PGBD2: variants seen among roughly 807,000 people sequenced by gnomAD.
PGBD2 encodes the protein piggyBac transposable element derived 2.
A neutral mutation model predicts 8.1 loss-of-function variants in PGBD2; 6 were observed. The observed-to-expected ratio is 0.74, with a 90% CI of 0.40 to 1.46. PGBD2 has a LOEUF of 1.46. Ranked by LOEUF, PGBD2 falls within the 40% of genes most tolerant of loss-of-function variation. The pLI, the probability that PGBD2 is intolerant of heterozygous loss-of-function variation, is 0.02. For missense variants in PGBD2, 802 were observed against 739.0 expected, an observed-to-expected ratio of 1.09 and a Z score of -0.99; for synonymous variants, 318 against 272.2, an observed-to-expected ratio of 1.17 and a Z score of -1.66.
At chr1:248,889,803 C>A in the PGBD2 span, among the ~76,000 whole-genome samples, 1 of 152,068 alleles carries the variant, frequency 6.6e-6, no homozygotes, top group African/African-American at 2.4e-5. Context: ...GATATGCTTG[C>A]AGCTGCAGAA....
chr1:248,874,357 A>ATAGGTGATG, the PGBD2 span, among the ~76,000 whole-genome samples: 1 of 152,200 alleles, frequency 6.6e-6, no homozygotes, highest in African/African-American at 2.4e-5. Flanking sequence ...AGGGCTAACC[A>ATAGGTGATG]TAGGTGATGT....
the PGBD2 span, among the ~76,000 whole-genome samples, chr1:248,878,306 A>C: frequency 9.9e-5 from 15 of 151,614 alleles, no homozygotes; most frequent in African/African-American, 3.6e-4. Context: ...CAGCCTCCCG[A>C]GTAGCTGGGA....
At chr1:248,914,077 G>C (rs1662007865) in intron 2 of PGBD2, among the ~76,000 whole-genome samples, 198 bp downstream of exon 2, 1 of 152,124 alleles carries the variant, frequency 6.6e-6, no homozygotes. Context: ...GTGTGGGTGT[G>C]GTTATGTAGC....
the PGBD2 span, among the ~76,000 whole-genome samples, chr1:248,896,963 T>C: frequency 4.6e-5 from 7 of 152,142 alleles, no homozygotes; most frequent in African/African-American, 1.7e-4. Context: ...AAAGTAGAGG[T>C]TCCTCTTCAA....
At chr1:248,908,730 T>C (rs1420035466) in intron 1 of PGBD2, among the ~76,000 whole-genome samples, 1 of 151,520 alleles carries the variant, frequency 6.6e-6, no homozygotes, top group East Asian at 1.9e-4. Flanking sequence ...AAGACAGGCC[T>C]CCTTAACAGG....
chr1:248,874,563 C>G, the PGBD2 span, among the ~76,000 whole-genome samples: 7 of 152,114 alleles, frequency 4.6e-5, no homozygotes, highest in Non-Finnish European at 7.4e-5. Flanking sequence ...AAAGATAGCT[C>G]TGGGTATGCC....
chr1:248,929,582 A>G, the PGBD2 span, among the ~76,000 whole-genome samples: 2 of 152,192 alleles, frequency 1.3e-5, no homozygotes, highest in Non-Finnish European at 2.9e-5. Context: ...ATGTTGTAGA[A>G]CATCGTATTT....
downstream of PGBD2, chr1:248,919,342 T>C (rs1045450797): frequency 6.0e-6 from 1 of 166,860 alleles, no homozygotes; most frequent in Admixed American, 6.5e-5. Context: ...ATCTGAAGTT[T>C]GTCTGTCTTT....
At chr1:248,875,123 C>T in the PGBD2 span, among the ~76,000 whole-genome samples, 1 of 151,686 alleles carries the variant, frequency 6.6e-6, no homozygotes, top group South Asian at 2.1e-4. Flanking sequence ...GGGTGAAACC[C>T]CGTCTCTACT....
chr1:248,904,862 A>T (rs1244804641), upstream of PGBD2, among the ~76,000 whole-genome samples: 1 of 152,156 alleles, frequency 6.6e-6, no homozygotes, highest in African/African-American at 2.4e-5. Context: ...TTCCACTTTG[A>T]CATGCCATAT....
At chr1:248,919,710 T>C (rs1370327182), downstream of PGBD2, 1 of 166,476 alleles carries the variant, frequency 6.0e-6, no homozygotes, top group Non-Finnish European at 1.5e-5. Flanking sequence ...CCACCAGCAG[T>C]GTTCAAGGGT....
downstream of PGBD2, among the ~76,000 whole-genome samples, chr1:248,922,826 A>G (rs1662314332): frequency 6.6e-6 from 1 of 152,168 alleles, no homozygotes; most frequent in African/African-American, 2.4e-5. Context: ...CGTGGTGGAT[A>G]AACTTTCTGA....
intron 1 of PGBD2, 50 bp downstream of exon 1, chr1:248,906,392 G>C (rs982557257): frequency 6.6e-6 from 1 of 152,114 alleles, no homozygotes; most frequent in East Asian, 1.9e-4. Flanking sequence ...TTGAGTACAG[G>C]AGTGGTTGGC....
chr1:248,928,078 T>G, the PGBD2 span, among the ~76,000 whole-genome samples: 1 of 152,196 alleles, frequency 6.6e-6, no homozygotes, highest in South Asian at 2.1e-4. Flanking sequence ...TGGGTTTTTG[T>G]TGTTGTTTGC....
chr1:248,899,391 AAC>A, the PGBD2 span, among the ~76,000 whole-genome samples: 1 of 152,208 alleles, frequency 6.6e-6, no homozygotes, highest in Non-Finnish European at 1.5e-5. Context: ...CTGAAATCAT[AAC>A]AGTTTCTCAG....
chr1:248,909,165 T>C (rs1367957102), intron 1 of PGBD2, among the ~76,000 whole-genome samples: 1 of 152,162 alleles, frequency 6.6e-6, no homozygotes, highest in East Asian at 1.9e-4. Context: ...ACCCATGTCC[T>C]CTTCCTCTGT....
the PGBD2 span, among the ~76,000 whole-genome samples, chr1:248,889,928 CTTTTTTTTTTT>C: frequency 1.5e-5 from 2 of 136,016 alleles, no homozygotes; most frequent in Admixed American, 7.3e-5. Flanking sequence ...TTTTTCTTTT[CTTTTTTTTTTT>C]TTTTTGAGAC....
At chr1:248,888,717 T>C in the PGBD2 span, among the ~76,000 whole-genome samples, 13 of 152,356 alleles carry the variant, frequency 8.5e-5, no homozygotes, top group East Asian at 1.2e-3. Context: ...TAGTTTCTTT[T>C]TCTGTGCAGA....
rs75935520 is a variant in PGBD2, at chr1:248,917,530, C to G, written c.946C>G (p.Leu316Val). 9.6e-5 allele frequency: 155 copies of G among 1,614,144 alleles called. No individual in the cohort carries two copies. The East Asian group carries it at 3.2e-3, about 34-fold the overall frequency. The change falls in exon 3 of 3, where the codon CTG becomes GTG. Residue 316 changes from leucine to valine, a missense_variant. Coordinates refer to ENST00000329291, the MANE Select transcript of PGBD2 (RefSeq NM_170725.3). ...LVWFEPSQGT[L>V]FTKPDRSLDL... The stretch of plus-strand genomic sequence containing the variant: ...GTGGTTTGAGCCCTCACAGGGCACA[C>G]TGTTTACCAAGCCAGACAGGAGCTT...
Sources: allele counts gnomAD v4.1 joint callset (sites outside exome capture counted in the v4.1 genomes callset), GRCh38; gene constraint gnomAD v4.1.1; transcripts MANE v1.5; gene names NCBI Gene and HGNC (gene_info 2026-07-23, HGNC 2026-07-21).